MAN2B2: variants seen among roughly 807,000 people sequenced by gnomAD.
MAN2B2 encodes the protein mannosidase alpha class 2B member 2.
In MAN2B2, 106 loss-of-function variants were observed where a neutral mutation model predicts 117.1. The observed-to-expected ratio is 0.90, with a 90% confidence interval of 0.77 to 1.06. The LOEUF is 1.06. Ranked by LOEUF, MAN2B2 falls within the 50% of genes least tolerant of loss-of-function variation. MAN2B2 has a pLI of 0.00. For missense variants in MAN2B2, 1,326 were observed against 1,381.4 expected (o/e 0.96, Z 0.64); for synonymous variants, 544 against 595.1 (o/e 0.91, Z 1.25).
chr4:6,595,377 G>C (rs1268853636), intron 7 of MAN2B2, among the ~76,000 whole-genome samples: 1 of 152,250 alleles, frequency 6.6e-6, no homozygotes, highest in Admixed American at 6.5e-5. Context: ...CAGAGGCAGG[G>C]CTCAGCAGAT....
Position 6,621,342 on chromosome 4 carries a change from C to G in MAN2B2, c.*57C>G. ...CCCCCAGGAACTCCATGTAACAGAA[C>G]AGACCCAGGACAGGGAAAAGCAGTG... On this transcript the variant is annotated 3_prime_UTR_variant, in exon 19 of 19. Coordinates refer to ENST00000285599, the MANE Select transcript of MAN2B2 (RefSeq NM_015274.3). The G allele has an allele frequency of 6.9e-7, 1 of 1,455,388 alleles. No individual in the cohort carries two copies. The highest frequency in any genetic ancestry group is 9.6e-7 in the Non-Finnish European group (1 of 1,044,058). The allele number at this position is 1,455,388 out of a possible 1,614,324, so 90.2% of individuals were successfully genotyped here. A position where few individuals can be genotyped will look rare whatever the true frequency, so the allele number is the denominator to read the frequency against.
At chr4:6,607,211 T>G (rs1474091731) in intron 11 of MAN2B2, among the ~76,000 whole-genome samples, 1 of 152,216 alleles carries the variant, frequency 6.6e-6, no homozygotes, top group African/African-American at 2.4e-5. Context: ...TTTTATTGAT[T>G]GATTGATTGA....
At chr4:6,586,351 T>C (rs1162152136) in intron 3 of MAN2B2, among the ~76,000 whole-genome samples, 1 of 152,192 alleles carries the variant, frequency 6.6e-6, no homozygotes, top group East Asian at 1.9e-4. Context: ...GTGAGCCACA[T>C]TGCTGGCCTT....
chr4:6,590,713 G>C (rs1726823514), intron 5 of MAN2B2, among the ~76,000 whole-genome samples: 1 of 152,220 alleles, frequency 6.6e-6, no homozygotes, highest in Admixed American at 6.5e-5. Context: ...TGTGGATGCA[G>C]GGGGAAGGCC....
At chr4:6,597,036 C>T (rs1727122294) in intron 7 of MAN2B2, 77 bp from the exon 8 acceptor site, 6 of 1,418,164 alleles carry the variant, frequency 4.2e-6, no homozygotes, top group Non-Finnish European at 5.8e-6. Context: ...CCCAGCTTCT[C>T]AGCTCTTCCA....
chr4:6,599,139 T>C (rs1727222702), intron 9 of MAN2B2, among the ~76,000 whole-genome samples: 1 of 152,172 alleles, frequency 6.6e-6, no homozygotes, highest in Non-Finnish European at 1.5e-5. Context: ...CTGTGTCACC[T>C]AGGCTGGAGT....
chr4:6,594,397 A>G (rs940745587), intron 6 of MAN2B2, 137 bp from the exon 7 acceptor site: 11 of 727,768 alleles, frequency 1.5e-5, no homozygotes, highest in Non-Finnish European at 2.4e-6. Context: ...AGCCACTGCT[A>G]TGGGAGCTGG....
At chr4:6,593,054 A>T (rs1000247550) in intron 5 of MAN2B2, 119 bp from the exon 6 acceptor site, 2 of 914,598 alleles carry the variant, frequency 2.2e-6, no homozygotes, top group African/African-American at 1.7e-5. Flanking sequence ...GGGAGAATTC[A>T]GTCTCAGGGT....
At chr4:6,586,939 G>A in intron 3 of MAN2B2, 57 bp from the exon 4 acceptor site, 1 of 1,546,402 alleles carries the variant, frequency 6.5e-7, no homozygotes, top group Non-Finnish European at 8.8e-7. Flanking sequence ...GTGAGGATGG[G>A]GCCGGGAGGC....
At chr4:6,601,599 C>T (rs377332309) in intron 10 of MAN2B2, among the ~76,000 whole-genome samples, 2 of 152,142 alleles carry the variant, frequency 1.3e-5, no homozygotes, top group South Asian at 2.1e-4. Flanking sequence ...CCCTCTAACC[C>T]GGGCTCGCTT....
intron 3 of MAN2B2, among the ~76,000 whole-genome samples, chr4:6,585,359 A>G (rs1726590773): frequency 6.6e-6 from 1 of 152,210 alleles, no homozygotes; most frequent in South Asian, 2.1e-4. Flanking sequence ...GGCACTGTTC[A>G]CCAATCTTAA....
rs2108742739 is a variant in MAN2B2, at chr4:6,593,246, G to A, written c.754G>A (p.Glu252Lys). The change falls in exon 6 of 19, where the codon GAG (glutamate) becomes AAG (lysine). Residue 252 changes from glutamate (E) to lysine (K), a missense_variant. Coordinates refer to ENST00000285599, the MANE Select transcript of MAN2B2 (RefSeq NM_015274.3). ...AGATGGGGTGTACCCCAACATGAGT[G>A]AGCCTGTCACCCCAGCCAACATCAA... is the stretch of plus-strand genomic sequence containing the variant. ...PQDGVYPNMS[E>K]PVTPANINLY... 6 of 1,614,006 alleles carry A rather than the reference G, an allele frequency of 3.7e-6. No individual in the cohort carries two copies. Among genetic ancestry groups the A allele is most frequent in the Non-Finnish European group, 5.1e-6 (6 of 1,179,946 alleles).
At position 6,576,715 on chromosome 4, in the gene MAN2B2, G is replaced by T; in HGVS notation, c.276G>T (p.Gln92His). The T allele has an allele frequency of 1.2e-6, 2 of 1,613,880 alleles. No homozygotes were observed. Among genetic ancestry groups the T allele is most frequent in the Non-Finnish European group, 1.7e-6 (2 of 1,179,926 alleles). ...GGGATGGCGTCGCCTCGGACCAGCAGAAATACCAGGTAATGAGGTCACCAG... is the reference window on the plus strand; with the variant it reads ...GGGATGGCGTCGCCTCGGACCAGCATAAATACCAGGTAATGAGGTCACCAG... ...LWWDGVASDQ[Q>H]KYQVRQLLEE... The change falls in exon 2 of 19, where the codon CAG (glutamine) becomes CAT (histidine). Residue 92 changes from glutamine (Q) to histidine (H), a missense_variant. Gln to His is a conservative substitution (Grantham distance 24, BLOSUM62 0). Coordinates refer to ENST00000285599, the MANE Select transcript of MAN2B2 (RefSeq NM_015274.3).
chr4:6,584,581 A>T (rs1726560802), intron 3 of MAN2B2, among the ~76,000 whole-genome samples: 1 of 152,214 alleles, frequency 6.6e-6, no homozygotes, highest in African/African-American at 2.4e-5. Context: ...GACAAAGAAA[A>T]CATTTGCCTA....
intron 11 of MAN2B2, 103 bp downstream of exon 11, chr4:6,605,432 G>A: frequency 2.9e-6 from 4 of 1,359,402 alleles, no homozygotes; most frequent in African/African-American, 1.5e-5. Context: ...CCTGGGGGAA[G>A]GACAGATGGT....
chr4:6,587,205 C>T (rs377262751), intron 4 of MAN2B2, 37 bp downstream of exon 4: 19 of 1,597,344 alleles, frequency 1.2e-5, no homozygotes, highest in Middle Eastern at 1.9e-4. Flanking sequence ...GCCCAGCGAC[C>T]GCTCCTCCCT....
At chr4:6,604,519 AG>A (rs1727458940) in intron 10 of MAN2B2, among the ~76,000 whole-genome samples, 5 of 139,648 alleles carry the variant, frequency 3.6e-5, no homozygotes, top group Admixed American at 7.0e-5. Flanking sequence ...TGGGATGACT[AG>A]GGGGTAGGGG....
Position 6,576,712 on chromosome 4 carries a change from G to C in MAN2B2, c.273G>C (p.Gln91His), listed in dbSNP as rs1484933951. Residue 91 changes from glutamine (Q) to histidine (H), a missense_variant, in exon 2 of 19, where the codon CAG becomes CAC. Physicochemically the swap from Gln to His is conservative, Grantham distance 24 (BLOSUM62 0). Transcript: ENST00000285599. The part of the protein sequence containing the change: ...RLWWDGVASD[Q>H]QKYQVRQLLE... ...GGTGGGATGGCGTCGCCTCGGACCAGCAGAAATACCAGGTAATGAGGTCAC... is the reference window on the plus strand; with the variant it reads ...GGTGGGATGGCGTCGCCTCGGACCACCAGAAATACCAGGTAATGAGGTCAC... 1 of 1,613,902 alleles carries C rather than the reference G, an allele frequency of 6.2e-7. No individual in the cohort carries two copies. The highest frequency in any genetic ancestry group is 2.2e-5 in the East Asian group (1 of 44,874).
At chr4:6,606,838 C>T (rs928142661) in intron 11 of MAN2B2, among the ~76,000 whole-genome samples, 1 of 152,212 alleles carries the variant, frequency 6.6e-6, no homozygotes, top group Non-Finnish European at 1.5e-5. Flanking sequence ...ACAGCCTGTG[C>T]AGAGGCCTGG....
Sources: allele counts gnomAD v4.1 joint callset (sites outside exome capture counted in the v4.1 genomes callset), GRCh38; gene constraint gnomAD v4.1.1; transcripts MANE v1.5; gene names NCBI Gene and HGNC (gene_info 2026-07-23, HGNC 2026-07-21).